Variants in NFIB observed in about 807,000 individuals in gnomAD.
NFIB encodes nuclear factor I B.
A neutral mutation model predicts 61.5 loss-of-function variants in NFIB; 11 were observed. The ratio of observed to expected loss-of-function variants is 0.18; its 90% CI spans 0.11 to 0.30. The LOEUF is 0.30. Among genes scored for constraint, NFIB ranks in the 10% least tolerant of loss-of-function variants. The pLI is 1.00. For missense variants in NFIB, 471 were observed against 608.9 expected, an observed-to-expected ratio of 0.77 and a Z score of 2.38; for synonymous variants, 260 against 216.5, an observed-to-expected ratio of 1.20 and a Z score of -1.76.
chr9:14,358,016 A>T (rs2061196126), intron 1 of NFIB: 2 of 152,308 alleles, frequency 1.3e-5, no homozygotes, highest in Middle Eastern at 6.8e-3. Flanking sequence ...GGATGACAGC[A>T]AAGTGGTGCA....
chr9:14,401,795 G>T (rs1284853733), upstream of NFIB, among the ~76,000 whole-genome samples: 19 of 152,106 alleles, frequency 1.2e-4, no homozygotes, highest in Admixed American at 1.2e-3. Context: ...GTAATAGTAA[G>T]CTTAGGTCAT....
chr9:14,172,763 A>C (rs2045710330), intron 3 of NFIB, among the ~76,000 whole-genome samples: 1 of 152,068 alleles, frequency 6.6e-6, no homozygotes, highest in African/African-American at 2.4e-5. Context: ...GAGCAGTATA[A>C]AAATTCAACA....
At chr9:14,332,349 A>AC (rs1465746074) in intron 1 of NFIB, among the ~76,000 whole-genome samples, 18 of 150,916 alleles carry the variant, frequency 1.2e-4, no homozygotes, top group South Asian at 2.1e-4. Flanking sequence ...AAAAAAAAAA[A>AC]ACACACAAGA....
At chr9:14,095,357 G>A (rs2034609387) in intron 10 of NFIB, among the ~76,000 whole-genome samples, 1 of 152,024 alleles carries the variant, frequency 6.6e-6, no homozygotes, top group Non-Finnish European at 1.5e-5. Context: ...AGCTGTGGGA[G>A]GTTTTAGCCA....
At chr9:14,453,701 C>G in the NFIB span, among the ~76,000 whole-genome samples, 1 of 152,128 alleles carries the variant, frequency 6.6e-6, no homozygotes, top group East Asian at 1.9e-4. Flanking sequence ...AGGGTACATT[C>G]CCGTTTGAAA....
intron 6 of NFIB, among the ~76,000 whole-genome samples, chr9:14,133,327 G>C (rs936639677): frequency 6.6e-6 from 1 of 152,152 alleles, no homozygotes; most frequent in African/African-American, 2.4e-5. Context: ...AGCACTGAAA[G>C]AGAAAAATGA....
intron 1 of NFIB, among the ~76,000 whole-genome samples, chr9:14,397,091 TTCTC>T (rs908745664): frequency 1.3e-5 from 2 of 152,130 alleles, no homozygotes; most frequent in African/African-American, 2.4e-5. Context: ...TTATGTCCAA[TTCTC>T]TCTCTCTCTT....
intron 2 of NFIB, among the ~76,000 whole-genome samples, chr9:14,252,610 C>T (rs547253757): frequency 1.4e-4 from 21 of 152,088 alleles, no homozygotes; most frequent in South Asian, 6.2e-4. Context: ...ACTACTATTA[C>T]GTAAAAGACA....
chr9:14,411,656 G>A, the NFIB span, among the ~76,000 whole-genome samples: 7 of 152,134 alleles, frequency 4.6e-5, no homozygotes, highest in Non-Finnish European at 1.0e-4. Flanking sequence ...TGTGGCCTTC[G>A]TTTCTGTTGG....
intron 2 of NFIB, among the ~76,000 whole-genome samples, chr9:14,283,193 A>G (rs1337637606): frequency 6.6e-6 from 1 of 152,184 alleles, no homozygotes; most frequent in African/African-American, 2.4e-5. Flanking sequence ...TTAAAAGAAA[A>G]CGAACTGACA....
At chr9:14,469,439 A>G in the NFIB span, among the ~76,000 whole-genome samples, 1 of 152,154 alleles carries the variant, frequency 6.6e-6, no homozygotes, top group African/African-American at 2.4e-5. Context: ...TCTCACTGGT[A>G]TGACTTAGGT....
At chr9:14,460,633 T>C in the NFIB span, among the ~76,000 whole-genome samples, 3 of 152,216 alleles carry the variant, frequency 2.0e-5, no homozygotes, top group Non-Finnish European at 4.4e-5. Flanking sequence ...CCATCAATCA[T>C]ATTCTATGTA....
intron 3 of NFIB, among the ~76,000 whole-genome samples, chr9:14,173,068 C>T (rs573522367): frequency 6.6e-6 from 1 of 152,282 alleles, no homozygotes; most frequent in South Asian, 2.1e-4. Flanking sequence ...CTATTTGATT[C>T]CACATCAAAT....
intron 3 of NFIB, among the ~76,000 whole-genome samples, chr9:14,166,450 G>A (rs1215113834): frequency 1.3e-5 from 2 of 151,980 alleles, no homozygotes; most frequent in African/African-American, 2.4e-5. Context: ...ATTTAATGTC[G>A]ATAAAAGGAA....
At chr9:14,348,240 A>C (rs1417655491) in intron 1 of NFIB, among the ~76,000 whole-genome samples, 3 of 151,586 alleles carry the variant, frequency 2.0e-5, no homozygotes, top group African/African-American at 7.3e-5. Flanking sequence ...ACTGCAGCGC[A>C]CCCTTTTCCT....
the NFIB span, among the ~76,000 whole-genome samples, chr9:14,519,610 T>A: frequency 6.6e-6 from 1 of 152,172 alleles, no homozygotes; most frequent in Admixed American, 6.5e-5. Context: ...TGTCAGGCAT[T>A]TTACTGCGGT....
At chr9:14,235,939 A>G (rs2053691482) in intron 2 of NFIB, among the ~76,000 whole-genome samples, 1 of 152,222 alleles carries the variant, frequency 6.6e-6, no homozygotes, top group Non-Finnish European at 1.5e-5. Flanking sequence ...ATTTAAACTC[A>G]CAATAAAGAA....
chr9:14,234,815 T>TGG (rs1554682559), intron 2 of NFIB, among the ~76,000 whole-genome samples: 115 of 151,062 alleles, frequency 7.6e-4, no homozygotes, highest in African/African-American at 2.7e-3. Flanking sequence ...GTTTTTTTTT[T>TGG]GGGTATGTTT....
intron 6 of NFIB, among the ~76,000 whole-genome samples, chr9:14,143,417 G>C (rs1173061524): frequency 6.6e-6 from 1 of 152,038 alleles, no homozygotes; most frequent in African/African-American, 2.4e-5. Flanking sequence ...ATTTCAGATT[G>C]AAAGGGAAAG....
Sources: gnomAD v4.1 joint callset for allele counts (sites outside exome capture counted in the v4.1 genomes callset) on GRCh38, gnomAD v4.1.1 for gene constraint, MANE v1.5 for transcripts, NCBI Gene and HGNC (gene_info 2026-07-23, HGNC 2026-07-21) for gene names.